Variants in PRICKLE1 observed in about 807,000 individuals in gnomAD.
PRICKLE1 encodes prickle-like protein 1.
Under a neutral mutation model 70.2 loss-of-function variants are expected in PRICKLE1, and 14 were observed. The ratio of observed to expected loss-of-function variants is 0.20; its 90% CI spans 0.13 to 0.31. PRICKLE1 has a LOEUF of 0.31. Ranked by LOEUF, PRICKLE1 falls within the 10% of genes least tolerant of loss-of-function variation. The probability of loss-of-function intolerance (pLI) is 1.00; values close to 1 mark genes in which losing one functional copy is unlikely to be tolerated. For synonymous variants in PRICKLE1, 357 were observed against 379.9 expected, an observed-to-expected ratio of 0.94 and a Z score of 0.70; for missense variants, 821 against 1,026.2, an observed-to-expected ratio of 0.80 and a Z score of 2.73.
At chr12:42,586,594 A>G (rs866024353) in intron 1 of PRICKLE1, among the ~76,000 whole-genome samples, 2 of 152,238 alleles carry the variant, frequency 1.3e-5, no homozygotes, top group Admixed American at 6.5e-5. Context: ...TAAGTAGAAT[A>G]TAAGTAATGA....
chr12:42,552,059 C>CT (rs201217516), intron 1 of PRICKLE1, among the ~76,000 whole-genome samples: 1,754 of 128,778 alleles, frequency 0.014, 6 homozygotes, highest in Non-Finnish European at 0.017. Context: ...AAGAAAGTTA[C>CT]TTTTTTTTTT....
chr12:42,543,353 A>G (rs1940149878), intron 1 of PRICKLE1, among the ~76,000 whole-genome samples: 1 of 146,890 alleles, frequency 6.8e-6, no homozygotes, highest in African/African-American at 2.5e-5. Context: ...GCAGCCACAA[A>G]TTCATGTATA....
chr12:42,564,186 G>A (rs1232824589), intron 1 of PRICKLE1, among the ~76,000 whole-genome samples: 4 of 147,888 alleles, frequency 2.7e-5, no homozygotes, highest in Non-Finnish European at 5.9e-5. Context: ...AACCCGGGAG[G>A]TGGAGGTTGC....
intron 5 of PRICKLE1, among the ~76,000 whole-genome samples, chr12:42,467,813 ATAAAG>A (rs920683962): frequency 1.3e-5 from 2 of 152,232 alleles, no homozygotes; most frequent in African/African-American, 4.8e-5. Flanking sequence ...AAAAAAATGT[ATAAAG>A]TAAATGAATG....
chr12:42,559,930 A>C (rs1592028928), intron 1 of PRICKLE1, among the ~76,000 whole-genome samples: 1 of 151,926 alleles, frequency 6.6e-6, no homozygotes, highest in Admixed American at 6.6e-5. Flanking sequence ...ATGATACACA[A>C]ATTATAGGCA....
At chr12:42,471,929 G>A (rs1938337539) in intron 2 of PRICKLE1, among the ~76,000 whole-genome samples, 1 of 152,196 alleles carries the variant, frequency 6.6e-6, no homozygotes. Flanking sequence ...CGTCTAAGCA[G>A]TAACACTTCA....
At chr12:42,526,189 T>C (rs1939795470) in intron 1 of PRICKLE1, among the ~76,000 whole-genome samples, 2 of 152,252 alleles carry the variant, frequency 1.3e-5, no homozygotes, top group Non-Finnish European at 2.9e-5. Context: ...CATTCACGAT[T>C]CATGGGTATT....
intron 1 of PRICKLE1, among the ~76,000 whole-genome samples, chr12:42,522,468 A>G (rs369425154): frequency 7.9e-5 from 12 of 152,300 alleles, no homozygotes; most frequent in Non-Finnish European, 1.5e-4. Flanking sequence ...GTGAATGACT[A>G]TTGTCCATTT....
chr12:42,482,491 C>A (rs767727973), intron 1 of PRICKLE1, among the ~76,000 whole-genome samples: 21 of 152,190 alleles, frequency 1.4e-4, no homozygotes, highest in Admixed American at 7.9e-4. Flanking sequence ...CTATTTTCAA[C>A]AGTGGCCCGA....
intron 1 of PRICKLE1, among the ~76,000 whole-genome samples, chr12:42,557,792 TTC>T (rs1266442090): frequency 2.6e-5 from 4 of 152,150 alleles, no homozygotes; most frequent in African/African-American, 4.8e-5. Flanking sequence ...TGCAGAGTTT[TTC>T]TCTCTCTCTG....
intron 5 of PRICKLE1, 87 bp downstream of exon 5, chr12:42,468,539 T>G (rs1364696386): frequency 3.3e-5 from 39 of 1,189,888 alleles, no homozygotes; most frequent in Non-Finnish European, 4.5e-5. Context: ...TCCAGGAAAT[T>G]TTAGTATTTT....
At chr12:42,521,976 C>T (rs1254978539) in intron 1 of PRICKLE1, among the ~76,000 whole-genome samples, 2 of 113,660 alleles carry the variant, frequency 1.8e-5, no homozygotes, top group Non-Finnish European at 3.3e-5. Context: ...GTGTGTTTAA[C>T]TTCTTTTTTT....
At chr12:42,511,595 T>C (rs1042977000) in intron 1 of PRICKLE1, among the ~76,000 whole-genome samples, 18 of 152,080 alleles carry the variant, frequency 1.2e-4, no homozygotes, top group African/African-American at 4.3e-4. Flanking sequence ...CTTTCCCAAA[T>C]CAGGTTCCAC....
chr12:42,574,913 T>A (rs940799173), intron 1 of PRICKLE1, among the ~76,000 whole-genome samples: 4 of 151,998 alleles, frequency 2.6e-5, no homozygotes, highest in Non-Finnish European at 1.5e-5. Context: ...AAGCTTTTTT[T>A]TTTTTTTAAG....
intron 1 of PRICKLE1, among the ~76,000 whole-genome samples, chr12:42,485,122 G>A (rs1176409059): frequency 6.6e-6 from 1 of 151,338 alleles, no homozygotes; most frequent in Non-Finnish European, 1.5e-5. Flanking sequence ...GTGAACAATA[G>A]CTCATTGTAA....
At chr12:42,471,213 G>A (rs2140121718) in intron 2 of PRICKLE1, among the ~76,000 whole-genome samples, 1 of 152,320 alleles carries the variant, frequency 6.6e-6, no homozygotes, top group Non-Finnish European at 1.5e-5. Context: ...GCAAACTGGA[G>A]AGAAGCCACA....
intron 1 of PRICKLE1, among the ~76,000 whole-genome samples, chr12:42,504,615 A>G (rs531311425): frequency 6.6e-6 from 1 of 152,290 alleles, no homozygotes; most frequent in South Asian, 2.1e-4. Flanking sequence ...TTAGGGGGAA[A>G]ATGGTGAGGG....
intron 1 of PRICKLE1, among the ~76,000 whole-genome samples, chr12:42,577,031 AATGTT>A (rs1463765111): frequency 6.6e-6 from 1 of 152,166 alleles, no homozygotes; most frequent in East Asian, 1.9e-4. Flanking sequence ...AACTAAAATG[AATGTT>A]ATGTTATTTT....
intron 1 of PRICKLE1, among the ~76,000 whole-genome samples, chr12:42,567,878 G>A (rs1467275687): frequency 1.3e-5 from 2 of 150,748 alleles, no homozygotes; most frequent in Non-Finnish European, 2.9e-5. Flanking sequence ...CTAAACACAT[G>A]TACATACACA....
Sources: allele counts gnomAD v4.1 joint callset (sites outside exome capture counted in the v4.1 genomes callset), GRCh38; gene constraint gnomAD v4.1.1; transcripts MANE v1.5; gene names NCBI Gene and HGNC (gene_info 2026-07-23, HGNC 2026-07-21).